PSD3: variants seen among roughly 807,000 people sequenced by gnomAD.
PSD3 encodes PH and SEC7 domain-containing protein 3.
In PSD3, 49 loss-of-function variants were observed where a neutral mutation model predicts 105.5. The observed-to-expected ratio is 0.46, with a 90% CI of 0.37 to 0.59. The LOEUF is 0.59. Ranked by LOEUF, PSD3 falls within the 20% of genes least tolerant of loss-of-function variation. The probability of loss-of-function intolerance (pLI) is 0.00; values close to 1 mark genes in which losing one functional copy is unlikely to be tolerated. For missense variants in PSD3, 1,561 were observed against 1,263.8 expected, an observed-to-expected ratio of 1.24 and a Z score of -3.57; for synonymous variants, 557 against 457.8, an observed-to-expected ratio of 1.22 and a Z score of -2.77.
rs11346186 is a variant in PSD3, at chr8:18,992,309, T to TA, written c.21+21253dup. 5.8e-3 allele frequency among the ~76,000 whole-genome samples: 778 copies of TA among 133,264 alleles called. 6 individuals are homozygous for TA. The highest frequency in any genetic ancestry group is 0.019 in the African/African-American group (739 of 39,476). The allele number at this position is 133,264 out of a possible 152,430, so 87.4% of individuals were successfully genotyped here. ...ATCCTTTTAATTTGTTAGTGATACT[T>TA]AAAAAAAAAAAAAATCTTCTAATCT... On this transcript the variant is annotated intron_variant, in intron 1 of 15. Coordinates refer to ENST00000327040, the MANE Select transcript of PSD3 (RefSeq NM_015310.4).
chr8:18,586,870 G>A (rs965780106), intron 12 of PSD3, among the ~76,000 whole-genome samples: 3 of 152,166 alleles, frequency 2.0e-5, no homozygotes, highest in Non-Finnish European at 4.4e-5. Context: ...ATATGGGGTA[G>A]AAAGGTGTGG....
At position 18,980,674 on chromosome 8, in the gene PSD3, C is replaced by T. The variant is rs181871699; in HGVS notation, c.21+32889G>A. Among the ~76,000 whole-genome samples, 434 of 152,212 alleles carry T rather than the reference C, an allele frequency of 2.9e-3. 2 individuals carry two copies. Among genetic ancestry groups the T allele is most frequent in the African/African-American group, 3.7e-3 (153 of 41,506 alleles). Reference sequence around the variant, plus strand: ...ATTTTTCCCTCTCTCCCTCCACACACGCTCAAGTTTAGATGCTATATGCTG... The same window carrying T: ...ATTTTTCCCTCTCTCCCTCCACACATGCTCAAGTTTAGATGCTATATGCTG... On this transcript the variant is annotated intron_variant, in intron 1 of 15. Coordinates refer to ENST00000327040, the MANE Select transcript of PSD3 (RefSeq NM_015310.4).
intron 2 of PSD3, among the ~76,000 whole-genome samples, chr8:18,932,022 A>G (rs978525125): frequency 6.6e-6 from 1 of 152,180 alleles, no homozygotes; most frequent in Non-Finnish European, 1.5e-5. Flanking sequence ...CACATCTATA[A>G]AAGGCAAAGG....
Position 18,650,527 on chromosome 8 carries a change from A to G in PSD3, c.2216+5115T>C, listed in dbSNP as rs1808396203. Among the ~76,000 whole-genome samples the G allele has an allele frequency of 2.6e-5, 4 of 152,324 alleles. No individual in the cohort carries two copies. The South Asian group carries it at 8.3e-4, about 32-fold the overall frequency. ...CGTAGCAGAGACCTTCCACAAGTCAATTTGACTCACTGCACTCTTCATTAC... is the reference window on the plus strand; with the variant it reads ...CGTAGCAGAGACCTTCCACAAGTCAGTTTGACTCACTGCACTCTTCATTAC... On this transcript the variant is annotated intron_variant, in intron 10 of 15. Transcript: ENST00000327040.
intron 1 of PSD3, among the ~76,000 whole-genome samples, chr8:18,952,813 A>G (rs1319251971): frequency 1.3e-5 from 2 of 152,188 alleles, no homozygotes; most frequent in African/African-American, 2.4e-5. Flanking sequence ...ACATTTAGTT[A>G]TTTTTCTAAT....
At chr8:19,053,617 C>T (rs1416485985) in intron 1 of PSD3, among the ~76,000 whole-genome samples, 1 of 152,152 alleles carries the variant, frequency 6.6e-6, no homozygotes, top group Non-Finnish European at 1.5e-5. Context: ...TGAGGAAACC[C>T]CGTCTCTACT....
At chr8:18,736,138 C>T (rs1357618614) in intron 9 of PSD3, among the ~76,000 whole-genome samples, 1 of 152,048 alleles carries the variant, frequency 6.6e-6, no homozygotes, top group African/African-American at 2.4e-5. Flanking sequence ...AAGCATAAAC[C>T]TTATATATCT....
chr8:18,599,880 C>T (rs921045110), intron 12 of PSD3, among the ~76,000 whole-genome samples: 1 of 151,956 alleles, frequency 6.6e-6, no homozygotes, highest in Non-Finnish European at 1.5e-5. Flanking sequence ...TACATACATA[C>T]CTAACATAAA....
chr8:18,971,047 G>T (rs753786859), intron 1 of PSD3, among the ~76,000 whole-genome samples: 7 of 151,758 alleles, frequency 4.6e-5, no homozygotes, highest in Non-Finnish European at 1.0e-4. Flanking sequence ...CCCAGGGAAT[G>T]CATTCCTTAA....
chr8:18,682,765 T>C (rs1800457951), intron 9 of PSD3, among the ~76,000 whole-genome samples: 2 of 151,996 alleles, frequency 1.3e-5, no homozygotes, highest in African/African-American at 4.8e-5. Flanking sequence ...AATAATGTTA[T>C]GTCACACAGG....
intron 4 of PSD3, among the ~76,000 whole-genome samples, chr8:18,820,733 GT>G (rs1334125321): frequency 2.6e-5 from 4 of 152,246 alleles, no homozygotes; most frequent in Admixed American, 6.5e-5. Flanking sequence ...GCTGTATGCA[GT>G]TGCCTTAAAA....
chr8:18,623,521 T>A (rs967001037), intron 11 of PSD3, among the ~76,000 whole-genome samples: 1 of 148,196 alleles, frequency 6.7e-6, no homozygotes, highest in Non-Finnish European at 1.5e-5. Context: ...ATGCCTGTAG[T>A]CCCAGCTATC....
At chr8:18,712,739 A>G (rs186750572) in intron 9 of PSD3, among the ~76,000 whole-genome samples, 1 of 152,306 alleles carries the variant, frequency 6.6e-6, no homozygotes, top group African/African-American at 2.4e-5. Context: ...ATGCGAAACT[A>G]TTCCAAAAAA....
rs185708649 is a variant in PSD3 at position 18,891,625 on chromosome 8, G to A, written c.131-18892C>T. 3.2e-3 allele frequency among the ~76,000 whole-genome samples: 487 copies of A among 151,936 alleles called. 4 individuals carry two copies. The highest frequency in any genetic ancestry group is 0.011 in the African/African-American group (475 of 41,446). ...TCCAACATCCAACACCTGCACCTCC[G>A]AGAGCACTTCCCCAGAAAGAATTAC... On this transcript the variant is annotated intron_variant, in intron 2 of 15. Coordinates refer to ENST00000327040, the MANE Select transcript of PSD3 (RefSeq NM_015310.4).
chr8:18,978,978 A>AC (rs1218966329), intron 1 of PSD3, among the ~76,000 whole-genome samples: 3 of 152,134 alleles, frequency 2.0e-5, no homozygotes, highest in African/African-American at 7.2e-5. Context: ...GCCAGACAGG[A>AC]GTCCAGATGC....
rs182535700 is a variant in PSD3 at position 18,702,911 on chromosome 8, C to G, written c.2173-47226G>C. Among the ~76,000 whole-genome samples, 9 of 152,234 alleles carry G rather than the reference C, an allele frequency of 5.9e-5. No individual in the cohort carries two copies. In the East Asian group the frequency reaches 1.7e-3, roughly 30 times the overall value. On this transcript the variant is annotated intron_variant, in intron 9 of 15. Transcript: ENST00000327040. The stretch of plus-strand genomic sequence containing the variant: ...ACAGGTGTGAGCCACCGCGCTTGGA[C>G]AGCTATAGGTACTCTTTATAAGAGG...
intron 1 of PSD3, among the ~76,000 whole-genome samples, chr8:19,079,678 C>A (rs796658929): frequency 6.6e-6 from 1 of 152,126 alleles, no homozygotes; most frequent in Non-Finnish European, 1.5e-5. Flanking sequence ...ACAGGACAGA[C>A]GGCTTGCAAT....
chr8:18,761,893 T>C (rs2129442971), intron 9 of PSD3, among the ~76,000 whole-genome samples: 1 of 152,336 alleles, frequency 6.6e-6, no homozygotes, highest in Middle Eastern at 3.4e-3. Flanking sequence ...TTATCTGTAC[T>C]ATGTGAATCA....
chr8:18,814,716 G>A (rs1233713869), intron 4 of PSD3, among the ~76,000 whole-genome samples: 2 of 152,128 alleles, frequency 1.3e-5, no homozygotes, highest in East Asian at 1.9e-4. Flanking sequence ...GCTTCTTTGG[G>A]CAAGGTAGGA....
Sources: gnomAD v4.1 joint callset for allele counts (sites outside exome capture counted in the v4.1 genomes callset) on GRCh38, gnomAD v4.1.1 for gene constraint, MANE v1.5 for transcripts, NCBI Gene and HGNC (gene_info 2026-07-23, HGNC 2026-07-21) for gene names.